The following ECHDC1 variants were observed in gnomAD, a reference collection of about 807,000 sequenced individuals.
ECHDC1 encodes ethylmalonyl-CoA decarboxylase 1.
In ECHDC1, 29 loss-of-function variants were observed where a neutral mutation model predicts 29.7. The observed-to-expected ratio is 0.98, with a 90% confidence interval of 0.73 to 1.33. ECHDC1 has a LOEUF of 1.33. ECHDC1 is among the 40% of genes most tolerant of loss of function. The pLI is 0.00. For missense variants in ECHDC1, 328 were observed against 350.0 expected, an observed-to-expected ratio of 0.94 and a Z score of 0.50; for synonymous variants, 126 against 123.1, an observed-to-expected ratio of 1.02 and a Z score of -0.15.
Position 127,330,844 on chromosome 6 carries a change from G to A in ECHDC1, c.185C>T (p.Thr62Ile). The A allele has an allele frequency of 2.5e-6, 4 of 1,614,034 alleles. No individual in the cohort carries two copies. The highest frequency in any genetic ancestry group is 2.2e-5 in the East Asian group (1 of 44,862). Residue 62 changes from threonine (T) to isoleucine (I), a missense_variant, in exon 2 of 6, where the codon ACT becomes ATT. By Grantham distance (89) the Thr-to-Ile change is moderately conservative. Transcript: ENST00000454859. Reference sequence around the variant, plus strand: ...ATTCATTCTACTTGGATTGTTCAGAGTAAGAATGCCAATGCCATTGTCTTC... The same window carrying A: ...ATTCATTCTACTTGGATTGTTCAGAATAAGAATGCCAATGCCATTGTCTTC... Reference protein sequence around the residue: ...QKEDNGIGILTLNNPSRMNAF... With the variant: ...QKEDNGIGILILNNPSRMNAF...
chr6:127,330,910 G>A lies in ECHDC1; in HGVS notation c.119C>T (p.Thr40Ile), dbSNP rs148450288. 3.1e-6 allele frequency: 5 copies of A among 1,613,928 alleles called. No individual in the cohort carries two copies. The highest frequency in any genetic ancestry group is 2.7e-5 in the African/African-American group (2 of 74,910). ...GGATCCACCAGGAAACTGCTGAAGT[G>A]TTTTTTTCACTTCTTCCTCATAAAA... ...HGFYEEEVKK[T>I]LQQFPGGSID... Residue 40 changes from threonine (T) to isoleucine (I), a missense_variant, in exon 2 of 6, where the codon ACA becomes ATA. Thr to Ile is a moderately conservative substitution (Grantham distance 89). Transcript: ENST00000454859.
intron 5 of ECHDC1, among the ~76,000 whole-genome samples, chr6:127,311,434 G>A (rs139986050): frequency 0.033 from 4,958 of 152,002 alleles, 258 homozygotes; most frequent in African/African-American, 0.11. Flanking sequence ...AGCACTTTGG[G>A]AGGCAGAGGC....
chr6:127,290,824 C>CA (rs1780104300), intron 5 of ECHDC1, among the ~76,000 whole-genome samples: 2 of 151,952 alleles, frequency 1.3e-5, no homozygotes, highest in South Asian at 4.1e-4. Context: ...GAGAGAAAGG[C>CA]ATTAAACCAT....
intron 5 of ECHDC1, among the ~76,000 whole-genome samples, chr6:127,311,669 C>CAAAAAAAAAAAAAAAAAAAA (rs71272311): frequency 2.4e-3 from 60 of 25,032 alleles, no homozygotes; most frequent in South Asian, 5.1e-3. Context: ...GGCTCTGTCT[C>CAAAAAAAAAAAAAAAAAAAA]AAAAAAAAAA....
At chr6:127,330,080 A>T (rs185163869) in intron 2 of ECHDC1, among the ~76,000 whole-genome samples, 64 of 152,360 alleles carry the variant, frequency 4.2e-4, no homozygotes, top group African/African-American at 1.5e-3. Context: ...ACTGAAAAGG[A>T]GAGATTACTA....
At chr6:127,304,617 T>C (rs1781307100) in intron 5 of ECHDC1, among the ~76,000 whole-genome samples, 1 of 152,142 alleles carries the variant, frequency 6.6e-6, no homozygotes, top group South Asian at 2.1e-4. Context: ...GAATTCAAAG[T>C]AGCTGTTTTG....
At chr6:127,310,322 C>A (rs1781802035) in intron 5 of ECHDC1, among the ~76,000 whole-genome samples, 1 of 151,964 alleles carries the variant, frequency 6.6e-6, no homozygotes, top group African/African-American at 2.4e-5. Context: ...TTACATATTG[C>A]ATGCCTGTAG....
rs1785029108 is a variant in ECHDC1 at position 127,342,381 on chromosome 6, C to T, written c.-3+955G>A. On this transcript the variant is annotated intron_variant, in intron 1 of 5. Coordinates refer to ENST00000454859, the MANE Select transcript of ECHDC1 (RefSeq NM_001002030.2). Reference sequence around the variant, plus strand: ...CCTGTTTCAATGCCATGCTTCTTCACAGGCTGGCTTCCCTTCCTGGAATGT... The same window carrying T: ...CCTGTTTCAATGCCATGCTTCTTCATAGGCTGGCTTCCCTTCCTGGAATGT... 4 of 1,547,602 alleles carry T rather than the reference C, an allele frequency of 2.6e-6. No individual in the cohort carries two copies. In the East Asian group the frequency reaches 9.8e-5, roughly 38 times the overall value.
At chr6:127,295,693 A>G (rs1215707502) in intron 5 of ECHDC1, among the ~76,000 whole-genome samples, 1 of 152,236 alleles carries the variant, frequency 6.6e-6, no homozygotes, top group Non-Finnish European at 1.5e-5. Context: ...TCTTTCCTAG[A>G]AGATAACGTG....
At chr6:127,308,872 A>T (rs1040866690) in intron 5 of ECHDC1, among the ~76,000 whole-genome samples, 4 of 152,200 alleles carry the variant, frequency 2.6e-5, no homozygotes, top group African/African-American at 9.6e-5. Context: ...AGCCACACAT[A>T]AAATTAAATA....
intron 5 of ECHDC1, among the ~76,000 whole-genome samples, chr6:127,309,378 A>C (rs1781692506): frequency 6.6e-6 from 1 of 152,070 alleles, no homozygotes; most frequent in Non-Finnish European, 1.5e-5. Flanking sequence ...GGAAAACTGG[A>C]TATTTATATG....
At chr6:127,294,061 A>G (rs1039619091) in intron 5 of ECHDC1, among the ~76,000 whole-genome samples, 3 of 152,202 alleles carry the variant, frequency 2.0e-5, no homozygotes, top group African/African-American at 7.2e-5. Flanking sequence ...TTTTTAAAAA[A>G]CAGGTAAGAC....
chr6:127,297,635 A>G (rs75617633), intron 5 of ECHDC1, among the ~76,000 whole-genome samples: 3,799 of 152,284 alleles, frequency 0.025, 65 homozygotes, highest in East Asian at 0.1. Context: ...TTTCAGGCAT[A>G]TACATGGTAG....
chr6:127,293,510 G>A (rs1250245869), intron 5 of ECHDC1, among the ~76,000 whole-genome samples: 2 of 152,086 alleles, frequency 1.3e-5, no homozygotes, highest in East Asian at 1.9e-4. Flanking sequence ...GGTACAAAGA[G>A]GAGAGGAAGA....
intron 4 of ECHDC1, 67 bp downstream of exon 4, chr6:127,316,383 T>C (rs984018489): frequency 2.0e-5 from 27 of 1,330,746 alleles, no homozygotes; most frequent in Non-Finnish European, 2.6e-5. Flanking sequence ...CTAGTACAAA[T>C]AATGGAATAG....
chr6:127,343,491 T>A lies in ECHDC1; in HGVS notation c.-158A>T, dbSNP rs970396042. On this transcript the variant is annotated 5_prime_UTR_variant, in exon 1 of 6. Coordinates refer to ENST00000454859, the MANE Select transcript of ECHDC1 (RefSeq NM_001002030.2). The stretch of plus-strand genomic sequence containing the variant: ...CTTCTCCGCGTCTTCTCTTTTACTA[T>A]CCCACGCTCTCCTTTCCTTTCTCCG... 1 of 152,050 alleles carries A rather than the reference T, an allele frequency of 6.6e-6. No homozygotes were observed. The highest frequency in any genetic ancestry group is 1.5e-5 in the Non-Finnish European group (1 of 68,040). The allele number at this position is 152,050 out of a possible 1,614,324, so 9.4% of individuals were successfully genotyped here. A position where few individuals can be genotyped will look rare whatever the true frequency, so the allele number is the denominator to read the frequency against.
chr6:127,321,869 G>A (rs1430424532), intron 3 of ECHDC1, among the ~76,000 whole-genome samples: 1 of 152,018 alleles, frequency 6.6e-6, no homozygotes, highest in East Asian at 1.9e-4. Flanking sequence ...CAGGTGTGGT[G>A]GCGGGTGTCT....
At chr6:127,311,668 TC>T (rs1781919005) in intron 5 of ECHDC1, among the ~76,000 whole-genome samples, 1 of 10,252 alleles carries the variant, frequency 9.8e-5, no homozygotes, top group Non-Finnish European at 2.3e-4. Flanking sequence ...AGGCTCTGTC[TC>T]AAAAAAAAAA....
At chr6:127,328,842 C>T (rs1275987638) in intron 2 of ECHDC1, among the ~76,000 whole-genome samples, 6 of 151,942 alleles carry the variant, frequency 3.9e-5, no homozygotes, top group South Asian at 2.1e-4. Flanking sequence ...CTGGCCAACA[C>T]GGTGAAACCC....
Sources: gnomAD v4.1 joint callset for allele counts (sites outside exome capture counted in the v4.1 genomes callset) on GRCh38, gnomAD v4.1.1 for gene constraint, MANE v1.5 for transcripts, NCBI Gene and HGNC (gene_info 2026-07-23, HGNC 2026-07-21) for gene names.